Variants in COG5 observed in about 807,000 individuals in gnomAD.
COG5 encodes the protein component of oligomeric golgi complex 5, also known as conserved oligomeric Golgi complex subunit 5.
Under a neutral mutation model 110.4 loss-of-function variants are expected in COG5, and 86 were observed. The ratio of observed to expected loss-of-function variants is 0.78; its 90% CI spans 0.65 to 0.93. The LOEUF (loss-of-function observed/expected upper bound fraction) is 0.93, where lower values mean the gene tolerates loss of function less well. COG5 is among the 40% of genes least tolerant of loss of function. The probability of loss-of-function intolerance (pLI) is 0.00; values close to 1 mark genes in which losing one functional copy is unlikely to be tolerated. For missense variants in COG5, 1,077 were observed against 987.0 expected (o/e 1.09, Z -1.22); for synonymous variants, 360 against 334.6 (o/e 1.08, Z -0.83).
At chr7:107,339,569 T>C (rs1584698484) in intron 10 of COG5, among the ~76,000 whole-genome samples, 1 of 152,146 alleles carries the variant, frequency 6.6e-6, no homozygotes, top group African/African-American at 2.4e-5. Flanking sequence ...CTACAGTATA[T>C]ATGTTCCCAT....
chr7:107,393,085 A>C (rs778611362), intron 7 of COG5, among the ~76,000 whole-genome samples: 2 of 152,168 alleles, frequency 1.3e-5, no homozygotes, highest in South Asian at 2.1e-4. Context: ...TACAAATTAC[A>C]ATTTTATTAC....
chr7:107,203,159 G>A lies in COG5; in HGVS notation c.*357C>T, dbSNP rs1433844276. Reference sequence around the variant, plus strand: ...GAAGAAGGCAGGGTTGGGGGAAGCAGGGTACATGTTATAACTTGATCATAT... The same window carrying A: ...GAAGAAGGCAGGGTTGGGGGAAGCAAGGTACATGTTATAACTTGATCATAT... On this transcript the variant is annotated 3_prime_UTR_variant, in exon 22 of 22. Transcript: ENST00000297135. The A allele has an allele frequency of 6.9e-6, 2 of 291,804 alleles. No homozygotes were observed. The highest frequency in any genetic ancestry group is 1.3e-5 in the Non-Finnish European group (2 of 150,468). 18.1% of individuals were successfully genotyped at this position (291,804 alleles called of 1,614,324 possible).
At chr7:107,482,221 AG>A (rs1301504061) in intron 6 of COG5, among the ~76,000 whole-genome samples, 1 of 151,540 alleles carries the variant, frequency 6.6e-6, no homozygotes, top group Non-Finnish European at 1.5e-5. Flanking sequence ...GGCTCACTGC[AG>A]CCTCGAACTC....
Position 107,298,573 on chromosome 7 carries a change from A to T in COG5, c.1109-227T>A, listed in dbSNP as rs1387147271. ...GAAACCTAATCTATATTTAAAAAAAATAGAAAAGCCCACAATTGTAGTTGA... is the reference window on the plus strand; with the variant it reads ...GAAACCTAATCTATATTTAAAAAAATTAGAAAAGCCCACAATTGTAGTTGA... On this transcript the variant is annotated intron_variant, in intron 11 of 21. Transcript: ENST00000297135. 5.3e-5 allele frequency among the ~76,000 whole-genome samples: 8 copies of T among 152,186 alleles called. 1 individual carries two copies. The highest frequency in any genetic ancestry group is 2.9e-5 in the Non-Finnish European group (2 of 68,020).
intron 7 of COG5, among the ~76,000 whole-genome samples, chr7:107,377,154 T>C (rs1389177313): frequency 6.6e-6 from 1 of 152,166 alleles, no homozygotes; most frequent in Non-Finnish European, 1.5e-5. Context: ...GTTTATTTAT[T>C]CCTTAAATGT....
chr7:107,548,177 T>C lies in COG5; in HGVS notation c.351A>G (p.Ile117Met), dbSNP rs779373440. Residue 117 changes from isoleucine (I) to methionine (M), a missense_variant, in exon 5 of 22, where the codon ATA becomes ATG. By Grantham distance (10) the Ile-to-Met change is conservative (BLOSUM62 1). Coordinates refer to ENST00000297135, the MANE Select transcript of COG5 (RefSeq NM_006348.5). ...IGALQGAVDR[I>M]KAKIVEPYNK... ...TGTATGGTTCAACAATTTTTGCTTT[T>C]ATCCTACAGGAAAAGAGAGGAGTGA... 1 of 1,613,792 alleles carries C rather than the reference T, an allele frequency of 6.2e-7. No homozygotes were observed. Among genetic ancestry groups the C allele is most frequent in the Non-Finnish European group, 8.5e-7 (1 of 1,179,714 alleles).
intron 10 of COG5, among the ~76,000 whole-genome samples, chr7:107,339,976 AAACT>A (rs1057016719): frequency 3.3e-4 from 50 of 152,110 alleles, no homozygotes; most frequent in African/African-American, 9.9e-4. Context: ...GAGAACAAAG[AAACT>A]AACTAACCCT....
intron 10 of COG5, among the ~76,000 whole-genome samples, chr7:107,329,230 A>C (rs1810030449): frequency 6.6e-6 from 1 of 152,206 alleles, no homozygotes; most frequent in African/African-American, 2.4e-5. Context: ...GTCTAAATTA[A>C]CAGCTAGAGG....
At chr7:107,302,309 T>C (rs1458710951) in intron 11 of COG5, among the ~76,000 whole-genome samples, 3 of 152,128 alleles carry the variant, frequency 2.0e-5, no homozygotes, top group African/African-American at 7.2e-5. Context: ...TGTACAAAAT[T>C]CTGGGAGCTA....
chr7:107,455,568 C>T (rs1223566553), intron 6 of COG5, among the ~76,000 whole-genome samples: 1 of 152,126 alleles, frequency 6.6e-6, no homozygotes, highest in Non-Finnish European at 1.5e-5. Flanking sequence ...AGACTATATA[C>T]AGCCCACAAA....
At chr7:107,235,237 C>T (rs1317734499) in intron 18 of COG5, among the ~76,000 whole-genome samples, 1 of 152,156 alleles carries the variant, frequency 6.6e-6, no homozygotes, top group Non-Finnish European at 1.5e-5. Flanking sequence ...CTGTCCAGGT[C>T]CTTTCCTCCA....
At chr7:107,333,114 C>A (rs1810410729) in intron 10 of COG5, among the ~76,000 whole-genome samples, 1 of 152,088 alleles carries the variant, frequency 6.6e-6, no homozygotes, top group South Asian at 2.1e-4. Context: ...AAGGTCTATG[C>A]CAGAGATCTC....
chr7:107,547,142 C>T (rs1317490308), intron 5 of COG5, among the ~76,000 whole-genome samples: 1 of 152,106 alleles, frequency 6.6e-6, no homozygotes, highest in Non-Finnish European at 1.5e-5. Context: ...ACTAGCCAAT[C>T]GAATTCAGTA....
intron 12 of COG5, among the ~76,000 whole-genome samples, chr7:107,285,899 C>A: frequency 6.6e-6 from 1 of 150,686 alleles, no homozygotes; most frequent in African/African-American, 2.4e-5. Context: ...CTTCTTAAAG[C>A]TTACACAGTA....
At chr7:107,470,784 C>T (rs1796587693) in intron 6 of COG5, among the ~76,000 whole-genome samples, 1 of 151,958 alleles carries the variant, frequency 6.6e-6, no homozygotes, top group Non-Finnish European at 1.5e-5. Flanking sequence ...TACTATTTTG[C>T]TGTTACTTAT....
intron 5 of COG5, among the ~76,000 whole-genome samples, chr7:107,544,448 T>G (rs1802274365): frequency 2.0e-5 from 3 of 152,206 alleles, no homozygotes; most frequent in Non-Finnish European, 4.4e-5. Context: ...CTGTGAACCC[T>G]GGATCTAAGT....
At chr7:107,391,104 G>T (rs75672288) in intron 7 of COG5, among the ~76,000 whole-genome samples, 4 of 151,762 alleles carry the variant, frequency 2.6e-5, no homozygotes, top group African/African-American at 9.7e-5. Context: ...GTGGGAGGAG[G>T]GGGGAGGGTC....
chr7:107,541,304 C>G (rs1301147691), intron 5 of COG5, among the ~76,000 whole-genome samples: 4 of 150,672 alleles, frequency 2.7e-5, no homozygotes, highest in Non-Finnish European at 5.9e-5. Context: ...CGAGACCAAC[C>G]TGAGCAGCAG....
intron 7 of COG5, among the ~76,000 whole-genome samples, chr7:107,377,403 C>A (rs1038660463): frequency 3.9e-5 from 6 of 151,982 alleles, no homozygotes; most frequent in Non-Finnish European, 8.8e-5. Context: ...TTTGTTGGGT[C>A]TGTTATTAGA....
Sources: gnomAD v4.1 joint callset for allele counts (sites outside exome capture counted in the v4.1 genomes callset) on GRCh38, gnomAD v4.1.1 for gene constraint, MANE v1.5 for transcripts, NCBI Gene and HGNC (gene_info 2026-07-23, HGNC 2026-07-21) for gene names.